CTNNA2: variants seen among roughly 807,000 people sequenced by gnomAD.
The protein encoded by CTNNA2 is catenin alpha 2.
In CTNNA2, 42 loss-of-function variants were observed where a neutral mutation model predicts 101.0. That is an observed-to-expected ratio of 0.42 (90% confidence interval 0.32 to 0.54). CTNNA2 has a LOEUF of 0.54. CTNNA2 is among the 20% of genes least tolerant of loss of function. CTNNA2 has a pLI of 0.14. For synonymous variants in CTNNA2, 450 were observed against 456.4 expected, an observed-to-expected ratio of 0.99 and a Z score of 0.18; for missense variants, 871 against 1,223.1, an observed-to-expected ratio of 0.71 and a Z score of 4.29.
chr2:79,434,201 G>T (rs182874253), intron 4 of CTNNA2, among the ~76,000 whole-genome samples: 15 of 151,636 alleles, frequency 9.9e-5, no homozygotes, highest in African/African-American at 3.6e-4. Context: ...GGGAGACTGA[G>T]GTAGGAGGAT....
chr2:79,577,197 A>G (rs568597633), intron 1 of CTNNA2, among the ~76,000 whole-genome samples: 2 of 152,176 alleles, frequency 1.3e-5, no homozygotes, highest in African/African-American at 4.8e-5. Flanking sequence ...TCCTGGTATG[A>G]TTGTTGTTTA....
intron 3 of CTNNA2, among the ~76,000 whole-genome samples, chr2:79,804,628 C>G (rs954378643): frequency 1.3e-5 from 2 of 151,674 alleles, no homozygotes; most frequent in African/African-American, 4.8e-5. Context: ...ATAGATTATT[C>G]TAGGAAGGAT....
chr2:79,671,021 C>T (rs1354319771), intron 2 of CTNNA2, among the ~76,000 whole-genome samples: 1 of 152,132 alleles, frequency 6.6e-6, no homozygotes, highest in Non-Finnish European at 1.5e-5. Context: ...TTCCTCACAC[C>T]TCTAAGAAGC....
chr2:79,661,710 C>T (rs1047207495), intron 2 of CTNNA2, among the ~76,000 whole-genome samples: 3 of 152,138 alleles, frequency 2.0e-5, no homozygotes, highest in Admixed American at 6.5e-5. Context: ...GAGTATGCAA[C>T]TGACCACAGA....
intron 3 of CTNNA2, among the ~76,000 whole-genome samples, chr2:79,831,095 CA>C (rs941080559): frequency 4.0e-4 from 60 of 151,816 alleles, no homozygotes; most frequent in African/African-American, 1.5e-3. Flanking sequence ...TCATTTTGAT[CA>C]ATACAAACTT....
chr2:79,553,837 A>G (rs1403340974), intron 1 of CTNNA2, among the ~76,000 whole-genome samples: 1 of 152,158 alleles, frequency 6.6e-6, no homozygotes, highest in Non-Finnish European at 1.5e-5. Flanking sequence ...TAGGGTAAAT[A>G]TCTTGGGGCT....
intron 2 of CTNNA2, among the ~76,000 whole-genome samples, chr2:79,666,432 A>G (rs942519909): frequency 2.6e-5 from 4 of 152,208 alleles, no homozygotes; most frequent in African/African-American, 7.2e-5. Context: ...CTTTGATGTC[A>G]TGGGACTCTT....
At chr2:80,531,951 G>A (rs1690578875) in intron 9 of CTNNA2, among the ~76,000 whole-genome samples, 1 of 152,132 alleles carries the variant, frequency 6.6e-6, no homozygotes, top group South Asian at 2.1e-4. Flanking sequence ...CTTGGCTTGT[G>A]GGTCATATGG....
At chr2:79,509,317 G>T (rs1168238086), upstream of CTNNA2, among the ~76,000 whole-genome samples, 1 of 151,970 alleles carries the variant, frequency 6.6e-6, no homozygotes, top group Non-Finnish European at 1.5e-5. Context: ...AGATGAAATT[G>T]CTATAGCATC....
chr2:80,046,302 A>T (rs1446954940), intron 7 of CTNNA2, among the ~76,000 whole-genome samples: 2 of 152,154 alleles, frequency 1.3e-5, no homozygotes, highest in Non-Finnish European at 2.9e-5. Context: ...GAGAGGTTAA[A>T]TGCCCAAAAA....
intron 3 of CTNNA2, among the ~76,000 whole-genome samples, chr2:79,826,515 C>G (rs764225505): frequency 6.6e-6 from 1 of 152,196 alleles, no homozygotes; most frequent in Non-Finnish European, 1.5e-5. Flanking sequence ...TAACCAAGTA[C>G]GCATGGCCTC....
chr2:80,100,538 A>G (rs1700478212), intron 7 of CTNNA2, among the ~76,000 whole-genome samples: 1 of 151,832 alleles, frequency 6.6e-6, no homozygotes, highest in Non-Finnish European at 1.5e-5. Context: ...GTTTTTTTTC[A>G]CACATTCTGA....
intron 1 of CTNNA2, among the ~76,000 whole-genome samples, chr2:79,581,360 T>C (rs552477538): frequency 2.0e-5 from 3 of 152,232 alleles, no homozygotes; most frequent in Non-Finnish European, 4.4e-5. Flanking sequence ...ACCCCATCTC[T>C]ACTAACATAC....
At chr2:80,642,263 A>C (rs1433106854) in intron 18 of CTNNA2, among the ~76,000 whole-genome samples, 1 of 152,150 alleles carries the variant, frequency 6.6e-6, no homozygotes, top group Non-Finnish European at 1.5e-5. Context: ...GCCCACAATG[A>C]AGCTGTTTCC....
chr2:80,143,424 A>G (rs12469584), intron 7 of CTNNA2, among the ~76,000 whole-genome samples: 1 of 151,932 alleles, frequency 6.6e-6, no homozygotes, highest in South Asian at 2.1e-4. Flanking sequence ...ATATTCGTCA[A>G]ATTTTTTGTG....
chr2:79,543,184 A>G (rs953093710), intron 1 of CTNNA2, among the ~76,000 whole-genome samples: 1 of 152,154 alleles, frequency 6.6e-6, no homozygotes, highest in African/African-American at 2.4e-5. Flanking sequence ...CTATTTCGGA[A>G]CACGTTCATA....
chr2:80,282,885 G>T (rs1674492388), intron 7 of CTNNA2, among the ~76,000 whole-genome samples: 1 of 151,946 alleles, frequency 6.6e-6, no homozygotes, highest in African/African-American at 2.4e-5. Context: ...TTTTCAGAAA[G>T]AAGTAATAGG....
intron 3 of CTNNA2, among the ~76,000 whole-genome samples, chr2:79,847,547 A>AT (rs1680330459): frequency 7.7e-6 from 1 of 129,926 alleles, no homozygotes; most frequent in South Asian, 2.2e-4. Context: ...TGTCTCAAAA[A>AT]AAAAAAAAAA....
intron 11 of CTNNA2, among the ~76,000 whole-genome samples, chr2:80,548,384 A>G (rs189940016): frequency 1.4e-3 from 215 of 152,300 alleles, no homozygotes; most frequent in Non-Finnish European, 2.1e-3. Flanking sequence ...ATGCATGCAT[A>G]AACATTTCTG....
Sources: allele counts gnomAD v4.1 joint callset (sites outside exome capture counted in the v4.1 genomes callset), GRCh38; gene constraint gnomAD v4.1.1; transcripts MANE v1.5; gene names NCBI Gene and HGNC (gene_info 2026-07-23, HGNC 2026-07-21).